CLIP4: variants seen among roughly 807,000 people sequenced by gnomAD.
The protein encoded by CLIP4 is CAP-Gly domain-containing linker protein 4.
CLIP4 carries 47 observed loss-of-function variants against 73.1 expected under a neutral mutation model. That is an observed-to-expected ratio of 0.64 (90% CI 0.51 to 0.82). The LOEUF (loss-of-function observed/expected upper bound fraction) is 0.82. CLIP4 is among the 40% of genes least tolerant of loss of function. CLIP4 has a pLI of 0.00. For missense variants in CLIP4, 874 were observed against 852.9 expected (o/e 1.02, Z -0.31); for synonymous variants, 306 against 295.4 (o/e 1.04, Z -0.37).
rs974834349 is a variant in CLIP4 at position 29,132,424 on chromosome 2, G to T, written c.367+179G>T. ...AACCATATTCCCTTTAATCAAGGAG[G>T]TCTTTATACCCTCCTGATACCTCTT... is the stretch of plus-strand genomic sequence containing the variant. On this transcript the variant is annotated intron_variant, in intron 4 of 15. Transcript: ENST00000320081. 3.3e-4 allele frequency: 199 copies of T among 602,116 alleles called. 5 individuals are homozygous for T. In the South Asian group the frequency reaches 3.7e-3, roughly 11 times the overall value. 37.3% of individuals were successfully genotyped at this position (602,116 alleles called of 1,614,324 possible). A position where few individuals can be genotyped will look rare whatever the true frequency, so the allele number is the denominator to read the frequency against.
At chr2:29,114,889 C>G (rs985869141), upstream of CLIP4, 3 of 152,326 alleles carry the variant, frequency 2.0e-5, no homozygotes, top group African/African-American at 7.2e-5. Flanking sequence ...GTAACGCTTT[C>G]TTGTTACCAG....
At chr2:29,138,417 A>C (rs1665524553) in intron 6 of CLIP4, among the ~76,000 whole-genome samples, 1 of 148,870 alleles carries the variant, frequency 6.7e-6, no homozygotes, top group South Asian at 2.1e-4. Context: ...TTGTAGTATA[A>C]TTTTAAGTCA....
In CLIP4 at chr2:29,146,216, G is replaced by A. The variant is rs1438793363; in HGVS notation, c.1021+849G>A. Among the ~76,000 whole-genome samples, 7 of 152,214 alleles carry A rather than the reference G, an allele frequency of 4.6e-5. No individual in the cohort carries two copies. The South Asian group carries it at 1.2e-3, about 27-fold the overall frequency. On this transcript the variant is annotated intron_variant, in intron 8 of 15. Coordinates refer to ENST00000320081, the MANE Select transcript of CLIP4 (RefSeq NM_024692.6). Reference sequence around the variant, plus strand: ...CTTGCTGCCAGCAGTATAGTGATTGGGAGAAGGCCTCTGACCAGGGGCACG... The same window carrying A: ...CTTGCTGCCAGCAGTATAGTGATTGAGAGAAGGCCTCTGACCAGGGGCACG...
intron 15 of CLIP4, among the ~76,000 whole-genome samples, chr2:29,179,919 G>T (rs1409691720): frequency 2.0e-5 from 3 of 152,078 alleles, no homozygotes; most frequent in Non-Finnish European, 2.9e-5. Context: ...TGGCAGATGT[G>T]GCTTAGAATA....
At chr2:29,170,872 A>G (rs1667959161) in intron 14 of CLIP4, among the ~76,000 whole-genome samples, 1 of 151,840 alleles carries the variant, frequency 6.6e-6, no homozygotes, top group Non-Finnish European at 1.5e-5. Context: ...TTTCCATTGA[A>G]TTGCCTTTGC....
At chr2:29,128,187 GTTTTTTTTTT>G (rs70958244) in intron 2 of CLIP4, among the ~76,000 whole-genome samples, 1 of 138,440 alleles carries the variant, frequency 7.2e-6, no homozygotes, top group Non-Finnish European at 1.6e-5. Flanking sequence ...TAATGTCTGT[GTTTTTTTTTT>G]TTTTTTTTAA....
intron 2 of CLIP4, among the ~76,000 whole-genome samples, chr2:29,129,774 C>T (rs1664845110): frequency 2.6e-5 from 4 of 152,168 alleles, no homozygotes; most frequent in Admixed American, 2.6e-4. Flanking sequence ...TTCAAGGGCA[C>T]TCCCAAAGGC....
At chr2:29,162,491 G>C (rs181570776) in intron 12 of CLIP4, among the ~76,000 whole-genome samples, 227 of 152,318 alleles carry the variant, frequency 1.5e-3, no homozygotes, top group Non-Finnish European at 2.4e-3. Context: ...CCAAAGTGTA[G>C]TCTTTATTGT....
chr2:29,131,568 T>C, intron 3 of CLIP4, 171 bp downstream of exon 3: 1 of 584,848 alleles, frequency 1.7e-6, no homozygotes, highest in Non-Finnish European at 2.8e-6. Flanking sequence ...TATATATTCT[T>C]CTGATTATTT....
chr2:29,160,399 A>G lies in CLIP4; in HGVS notation c.1466A>G (p.Glu489Gly). The change falls in exon 12 of 16, where the codon GAG becomes GGG. Residue 489 changes from glutamate (E) to glycine (G), a missense_variant. By Grantham distance (98) the Glu-to-Gly change is moderately conservative. Transcript: ENST00000320081. ...TGCGAGGGGGAACTCCGCCTCGGAG[A>G]GAGAGTGTTAGTGGTAGGACAGAGA... ...SRCEGELRLG[E>G]RVLVVGQRLG... The G allele has an allele frequency of 6.2e-7, 1 of 1,614,120 alleles. No homozygotes were observed. Among genetic ancestry groups the G allele is most frequent in the Non-Finnish European group, 8.5e-7 (1 of 1,180,022 alleles).
rs148791028 is a variant in CLIP4, at chr2:29,167,533, T to G, written c.1716T>G (p.Ser572=). Residue 572 remains serine (S), a synonymous_variant, in exon 14 of 16, where the codon TCT becomes TCG. Coordinates refer to ENST00000320081, the MANE Select transcript of CLIP4 (RefSeq NM_024692.6). ...TTTCTTCAAATAAACAGAACCATTC[T>G]TATCCTGGTAAGACTACACAGTTTT... ...SEISSNKQNH[S]YPGFRRSFST... The G allele has an allele frequency of 6.9e-5, 110 of 1,605,198 alleles. No individual in the cohort carries two copies. In the African/African-American group the frequency reaches 1.3e-3, roughly 19 times the overall value.
intron 15 of CLIP4, among the ~76,000 whole-genome samples, chr2:29,179,319 A>G (rs1265603481): frequency 2.0e-5 from 3 of 152,232 alleles, no homozygotes; most frequent in Non-Finnish European, 4.4e-5. Flanking sequence ...TTAAAACTAC[A>G]TTCTTACGAC....
chr2:29,128,762 GT>G (rs1461533256), intron 2 of CLIP4, among the ~76,000 whole-genome samples: 1 of 151,818 alleles, frequency 6.6e-6, no homozygotes, highest in Admixed American at 6.6e-5. Context: ...AGCCATTTTG[GT>G]TTTTTTCCTT....
intron 12 of CLIP4, among the ~76,000 whole-genome samples, chr2:29,163,410 TAAGA>T (rs1667414299): frequency 6.6e-6 from 1 of 152,176 alleles, no homozygotes; most frequent in Non-Finnish European, 1.5e-5. Context: ...GTTAGGTGAG[TAAGA>T]TGAAAAGATT....
At chr2:29,139,368 G>A (rs1558538129) in intron 6 of CLIP4, among the ~76,000 whole-genome samples, 1 of 152,064 alleles carries the variant, frequency 6.6e-6, no homozygotes, top group Non-Finnish European at 1.5e-5. Context: ...TTTTTGGTAT[G>A]CTGCTGAATT....
At chr2:29,099,234 T>C (rs1334714863) in intron 1 of CLIP4, among the ~76,000 whole-genome samples, 1 of 152,226 alleles carries the variant, frequency 6.6e-6, no homozygotes, top group Non-Finnish European at 1.5e-5. Flanking sequence ...TTTTCTTTCA[T>C]TAATTATGCC....
At chr2:29,145,177 A>T in intron 7 of CLIP4, 55 bp from the exon 8 acceptor site, 1 of 1,501,864 alleles carries the variant, frequency 6.7e-7, no homozygotes, top group Non-Finnish European at 9.1e-7. Flanking sequence ...CAAGAGTAGG[A>T]CCCTTGGAAT....
intron 8 of CLIP4, among the ~76,000 whole-genome samples, chr2:29,148,578 T>C (rs1666331837): frequency 6.6e-6 from 1 of 152,250 alleles, no homozygotes; most frequent in Non-Finnish European, 1.5e-5. Context: ...TGTTTTTCTC[T>C]GCCCTCAAAT....
chr2:29,143,039 A>G (rs552782791), intron 6 of CLIP4, among the ~76,000 whole-genome samples: 19 of 152,350 alleles, frequency 1.2e-4, no homozygotes, highest in Non-Finnish European at 2.2e-4. Context: ...TATCAAAACC[A>G]TAGTTTCTAG....
Sources: gnomAD v4.1 joint callset for allele counts (sites outside exome capture counted in the v4.1 genomes callset) on GRCh38, gnomAD v4.1.1 for gene constraint, MANE v1.5 for transcripts, NCBI Gene and HGNC (gene_info 2026-07-23, HGNC 2026-07-21) for gene names.